Variants in ANO3 observed in about 807,000 individuals in gnomAD.
ANO3 encodes anoctamin 3, also known as anoctamin-3.
Under a neutral mutation model 144.8 loss-of-function variants are expected in ANO3, and 99 were observed. That is an observed-to-expected ratio of 0.68 (90% confidence interval 0.58 to 0.81). The LOEUF (loss-of-function observed/expected upper bound fraction) is 0.81, where lower values mean the gene tolerates loss of function less well. ANO3 is among the 30% of genes least tolerant of loss of function. The pLI, the probability that ANO3 is intolerant of heterozygous loss-of-function variation, is 0.00. For synonymous variants in ANO3, 414 were observed against 392.6 expected, an observed-to-expected ratio of 1.05 and a Z score of -0.64; for missense variants, 905 against 1,202.2, an observed-to-expected ratio of 0.75 and a Z score of 3.66.
At chr11:26,294,817 C>T (rs1296090937) in intron 1 of ANO3, among the ~76,000 whole-genome samples, 1 of 152,174 alleles carries the variant, frequency 6.6e-6, no homozygotes, top group East Asian at 1.9e-4. Flanking sequence ...AACATATCTG[C>T]GGCAATGAAT....
At chr11:26,344,848 GACGTACTT>G (rs1397314227) in intron 1 of ANO3, among the ~76,000 whole-genome samples, 1 of 152,158 alleles carries the variant, frequency 6.6e-6, no homozygotes, top group East Asian at 1.9e-4. Context: ...CACCCACTCA[GACGTACTT>G]ATGCCTATTT....
At chr11:26,542,864 T>C (rs1365376297) in intron 11 of ANO3, among the ~76,000 whole-genome samples, 3 of 84,026 alleles carry the variant, frequency 3.6e-5, no homozygotes, top group Non-Finnish European at 8.2e-5. Flanking sequence ...AAAAAGACCA[T>C]TTATATTAAT....
At chr11:26,518,543 C>A (rs1861945642) in intron 6 of ANO3, among the ~76,000 whole-genome samples, 1 of 149,820 alleles carries the variant, frequency 6.7e-6, no homozygotes, top group African/African-American at 2.4e-5. Flanking sequence ...TTTCTGTGAG[C>A]CTTACAACTT....
At chr11:26,230,928 T>C (rs111774210) in intron 1 of ANO3, among the ~76,000 whole-genome samples, 2,109 of 147,352 alleles carry the variant, frequency 0.014, 69 homozygotes, top group African/African-American at 0.051. Context: ...AGTCTCCCTC[T>C]GTTGCCCCAG....
intron 3 of ANO3, among the ~76,000 whole-genome samples, chr11:26,458,174 G>A (rs1272787617): frequency 6.6e-6 from 1 of 151,990 alleles, no homozygotes; most frequent in Non-Finnish European, 1.5e-5. Flanking sequence ...CACATGAGGA[G>A]GATTTCATAA....
intron 1 of ANO3, among the ~76,000 whole-genome samples, chr11:26,428,288 A>G (rs1294025852): frequency 1.3e-5 from 2 of 152,176 alleles, no homozygotes; most frequent in Non-Finnish European, 2.9e-5. Context: ...AGACAAACCT[A>G]TATATTGAAA....
chr11:26,324,255 A>G (rs1445578841), intron 1 of ANO3, among the ~76,000 whole-genome samples: 1 of 152,154 alleles, frequency 6.6e-6, no homozygotes, highest in African/African-American at 2.4e-5. Flanking sequence ...TGGATATCTA[A>G]ATAACCACAT....
At chr11:26,565,378 G>A in intron 14 of ANO3, 1 of 1,613,194 alleles carries the variant, frequency 6.2e-7, no homozygotes, top group Non-Finnish European at 8.5e-7. Flanking sequence ...CTGTTATCAG[G>A]AGTTTTCACG....
chr11:26,280,050 A>G, intron 1 of ANO3, among the ~76,000 whole-genome samples: 1 of 152,144 alleles, frequency 6.6e-6, no homozygotes, highest in East Asian at 1.9e-4. Flanking sequence ...TTATGCTACC[A>G]TTTTTGATGA....
chr11:26,280,611 C>T (rs984072181), intron 1 of ANO3, among the ~76,000 whole-genome samples: 10 of 152,250 alleles, frequency 6.6e-5, no homozygotes, highest in Non-Finnish European at 8.8e-5. Flanking sequence ...CCCAGATTGG[C>T]GGGTGAGGGC....
intron 1 of ANO3, among the ~76,000 whole-genome samples, chr11:26,311,363 G>A (rs1347543853): frequency 1.3e-5 from 2 of 152,192 alleles, no homozygotes; most frequent in Non-Finnish European, 2.9e-5. Flanking sequence ...ACGAAGGCCT[G>A]ACCGGGACTT....
intron 4 of ANO3, among the ~76,000 whole-genome samples, chr11:26,492,482 T>C (rs1466723384): frequency 6.6e-6 from 1 of 152,186 alleles, no homozygotes; most frequent in East Asian, 1.9e-4. Context: ...ACCATACAGT[T>C]CAAAATGCTT....
rs1253484975 is a variant in ANO3 at position 26,641,929 on chromosome 11, C to T, written c.2175C>T (p.Ile725=). 2 of 1,613,848 alleles carry T rather than the reference C, an allele frequency of 1.2e-6. No homozygotes were observed. Among genetic ancestry groups the T allele is most frequent in the Non-Finnish European group, 1.7e-6 (2 of 1,179,964 alleles). The change falls in exon 22 of 27, where the codon ATC becomes ATT. Residue 725 remains isoleucine, a synonymous_variant. Transcript: ENST00000256737. ...LIQNWWSRHK[I]KRGIHDASIP... The stretch of plus-strand genomic sequence containing the variant: ...AGAACTGGTGGTCACGACATAAAAT[C>T]AAGCGGGGAATACATGATGCTTCCA...
At chr11:26,376,138 A>G (rs1201937465) in intron 1 of ANO3, among the ~76,000 whole-genome samples, 3 of 152,302 alleles carry the variant, frequency 2.0e-5, no homozygotes, top group South Asian at 2.1e-4. Context: ...AAGAGCATGT[A>G]TTTGATTACC....
chr11:26,251,851 A>G (rs76431863), intron 1 of ANO3, among the ~76,000 whole-genome samples: 1,623 of 152,298 alleles, frequency 0.011, 33 homozygotes, highest in African/African-American at 0.037. Flanking sequence ...TCACGCAGAC[A>G]GCATGGGGGA....
chr11:26,380,988 A>G (rs921507255), intron 1 of ANO3, among the ~76,000 whole-genome samples: 1 of 152,284 alleles, frequency 6.6e-6, no homozygotes. Flanking sequence ...ACTCAAAAAC[A>G]AAACAAAACA....
At chr11:26,280,451 G>C (rs1011565987) in intron 1 of ANO3, among the ~76,000 whole-genome samples, 2 of 152,174 alleles carry the variant, frequency 1.3e-5, no homozygotes, top group Non-Finnish European at 2.9e-5. Context: ...GAGTCCCAAA[G>C]CTGAAGAACT....
At chr11:26,555,230 C>CCT (rs1313063072) in intron 13 of ANO3, among the ~76,000 whole-genome samples, 1 of 152,178 alleles carries the variant, frequency 6.6e-6, no homozygotes, top group African/African-American at 2.4e-5. Context: ...ATTTTCTCAT[C>CCT]ACTTTTGGCA....
chr11:26,296,939 T>A (rs971533820), intron 1 of ANO3, among the ~76,000 whole-genome samples: 1 of 152,130 alleles, frequency 6.6e-6, no homozygotes, highest in Non-Finnish European at 1.5e-5. Flanking sequence ...TATATATGAA[T>A]CTTCTCTAGG....
Sources: gnomAD v4.1 joint callset for allele counts (sites outside exome capture counted in the v4.1 genomes callset) on GRCh38, gnomAD v4.1.1 for gene constraint, MANE v1.5 for transcripts, NCBI Gene and HGNC (gene_info 2026-07-23, HGNC 2026-07-21) for gene names.